RSPH10B: variants seen among roughly 807,000 people sequenced by gnomAD.
The protein encoded by RSPH10B is radial spoke head 10 homolog B (Chlamydomonas).
In RSPH10B, 7 loss-of-function variants were observed where a neutral mutation model predicts 52.5. The ratio of observed to expected loss-of-function variants is 0.13; its 90% confidence interval spans 0.08 to 0.25. The LOEUF is 0.25. Ranked by LOEUF, RSPH10B falls within the 10% of genes least tolerant of loss-of-function variation. The probability of loss-of-function intolerance (pLI) is 1.00; values close to 1 mark genes in which losing one functional copy is unlikely to be tolerated. For synonymous variants in RSPH10B, 28 were observed against 193.2 expected, an observed-to-expected ratio of 0.14 and a Z score of 7.09; for missense variants, 89 against 542.5, an observed-to-expected ratio of 0.16 and a Z score of 8.30.
rs552279771 is a variant in RSPH10B, at chr7:5,928,757, G to A, written c.2234-363C>T. On this transcript the variant is annotated intron_variant, in intron 17 of 18. Coordinates refer to ENST00000337579, the Ensembl canonical transcript of RSPH10B. ...AGCGATTCTCATGCCTCAGCCTCCC[G>A]AGTAGCTACAGGCGTGCGCCATCAC... 4.2e-3 allele frequency among the ~76,000 whole-genome samples: 622 copies of A among 149,542 alleles called. 1 individual carries two copies. The highest frequency in any genetic ancestry group is 0.012 in the African/African-American group (476 of 40,256).
At position 5,927,070 on chromosome 7, in the gene RSPH10B, ATGTG is replaced by A. The variant is rs748036363; in HGVS notation, c.2433-526_2433-523del. On this transcript the variant is annotated intron_variant, in intron 18 of 18. Coordinates refer to ENST00000337579, the Ensembl canonical transcript of RSPH10B. ...GTATTATGTGTGTGTGTGTGTGTAT[ATGTG>A]TGTGTGTGTGTGTGTGTGTGTGTAT... is the stretch of plus-strand genomic sequence containing the variant. Among the ~76,000 whole-genome samples, 361 of 110,718 alleles carry A rather than the reference ATGTG, an allele frequency of 3.3e-3. 3 individuals carry two copies. The highest frequency in any genetic ancestry group is 8.8e-3 in the African/African-American group (272 of 30,822). 72.6% of individuals were successfully genotyped at this position (110,718 alleles called of 152,430 possible). A position where few individuals can be genotyped will look rare whatever the true frequency, so the allele number is the denominator to read the frequency against.
chr7:5,954,199 C>G (rs1043775838), intron 7 of RSPH10B, among the ~76,000 whole-genome samples: 1 of 106,326 alleles, frequency 9.4e-6, no homozygotes, highest in African/African-American at 3.5e-5. Context: ...AGTGCAGTAG[C>G]ACAGTCTTAA....
Position 5,957,902 on chromosome 7 carries a change from C to T in RSPH10B, c.780+5G>A, listed in dbSNP as rs746707181. On this transcript the variant is annotated splice_donor_5th_base_variant and intron_variant, in intron 6 of 18. Coordinates refer to ENST00000337579, the Ensembl canonical transcript of RSPH10B. ...GGTATAAGCTGCTACCCCGCCCGGG[C>T]GTACCTGGATGCCCCTCTCCCACCG... 1.8e-5 allele frequency: 24 copies of T among 1,326,204 alleles called. No homozygotes were observed. In the South Asian group the frequency reaches 1.8e-4, roughly 10 times the overall value. The allele number at this position is 1,326,204 out of a possible 1,614,324, so 82.2% of individuals were successfully genotyped here. A position where few individuals can be genotyped will look rare whatever the true frequency, so the allele number is the denominator to read the frequency against.
chr7:5,927,048 T>G (rs868759654), intron 18 of RSPH10B, among the ~76,000 whole-genome samples: 230 of 70,612 alleles, frequency 3.3e-3, no homozygotes, highest in African/African-American at 7.9e-3. Flanking sequence ...TGTGTGTGTA[T>G]TATGTGTGTG....
rs1397990151 is a variant in RSPH10B, at chr7:5,940,077, G to T, written c.1759-1248C>A. 1.4e-4 allele frequency among the ~76,000 whole-genome samples: 18 copies of T among 128,376 alleles called. 3 individuals are homozygous for T. The highest frequency in any genetic ancestry group is 2.9e-4 in the Non-Finnish European group (16 of 55,672). The allele number at this position is 128,376 out of a possible 152,430, so 84.2% of individuals were successfully genotyped here. A position where few individuals can be genotyped will look rare whatever the true frequency, so the allele number is the denominator to read the frequency against. On this transcript the variant is annotated intron_variant, in intron 13 of 18. Transcript: ENST00000337579. ...CTGCGCATGGTGGCGTGTGCCTGTA[G>T]TCCCAGCTACTCGGGAGGCTGAGGC...
chr7:5,927,001 CACCT>C (rs1160387492), intron 18 of RSPH10B, among the ~76,000 whole-genome samples: 1 of 150,496 alleles, frequency 6.6e-6, no homozygotes, highest in African/African-American at 2.4e-5. Flanking sequence ...GTGATCCACC[CACCT>C]CGGCCTCCCA....
chr7:5,942,942 A>G (rs1162711043), intron 13 of RSPH10B, among the ~76,000 whole-genome samples: 3 of 146,564 alleles, frequency 2.0e-5, no homozygotes, highest in African/African-American at 7.5e-5. Context: ...TTTTAAGACA[A>G]TGGCCCATGG....
chr7:5,942,387 C>T (rs1249334241), intron 13 of RSPH10B, among the ~76,000 whole-genome samples: 2 of 131,516 alleles, frequency 1.5e-5, no homozygotes, highest in African/African-American at 5.6e-5. Flanking sequence ...CTACCACGCC[C>T]GGCTATGATT....
intron 7 of RSPH10B, among the ~76,000 whole-genome samples, chr7:5,954,263 C>G (rs1254784744): frequency 1.4e-5 from 1 of 72,362 alleles, no homozygotes; most frequent in Non-Finnish European, 2.6e-5. Context: ...CTCAGCCTCC[C>G]GAGTGGCTGG....
At chr7:5,933,617 G>A (rs1388185492) in intron 16 of RSPH10B, among the ~76,000 whole-genome samples, 4 of 132,828 alleles carry the variant, frequency 3.0e-5, no homozygotes, top group South Asian at 2.3e-4. Context: ...AAAATTAGCC[G>A]GGCGTGGGGG....
intron 13 of RSPH10B, among the ~76,000 whole-genome samples, chr7:5,941,778 T>C (rs1442668599): frequency 1.4e-5 from 2 of 140,696 alleles, no homozygotes; most frequent in African/African-American, 2.6e-5. Context: ...AAACAACCAA[T>C]AGTTAGTATG....
At chr7:5,944,219 G>A (rs2428897) in intron 11 of RSPH10B, among the ~76,000 whole-genome samples, 15 of 151,172 alleles carry the variant, frequency 9.9e-5, no homozygotes, top group South Asian at 2.1e-4. Context: ...CAACATGGTG[G>A]AACCCCATCT....
intron 13 of RSPH10B, among the ~76,000 whole-genome samples, chr7:5,941,487 G>A (rs1465521348): frequency 6.7e-6 from 1 of 148,544 alleles, no homozygotes; most frequent in Non-Finnish European, 1.5e-5. Context: ...GCTCACGCCT[G>A]TAATCCCAGC....
exon 5 of RSPH10B, chr7:5,959,003 C>T (rs1562578316): frequency 7.5e-7 from 1 of 1,328,098 alleles, no homozygotes; most frequent in Non-Finnish European, 1.1e-6. Flanking sequence ...CATCTTATTC[C>T]CCAGCCCTTT....
chr7:5,943,395 A>G, exon 13 of RSPH10B: 1 of 1,603,884 alleles, frequency 6.2e-7, no homozygotes, highest in African/African-American at 1.4e-5. Flanking sequence ...GGTCTGCAGT[A>G]AGCGAGATAA....
At chr7:5,970,427 A>C (rs1192826233), upstream of RSPH10B, 1 of 122,594 alleles carries the variant, frequency 8.2e-6, no homozygotes, top group African/African-American at 2.9e-5. Context: ...AGGAGAGGCC[A>C]TCTCTCTCCT....
intron 18 of RSPH10B, among the ~76,000 whole-genome samples, chr7:5,927,021 A>ACG (rs1427644304): frequency 9.0e-4 from 62 of 68,942 alleles, no homozygotes; most frequent in African/African-American, 3.7e-3. Flanking sequence ...TCCCAAAGTT[A>ACG]CGTGTGTGTG....
chr7:5,967,158 C>CA lies in RSPH10B; in HGVS notation c.-43_-42insT. ...AATGGTTACTTGAATCAAATGATTTCTTTGGTTCAGAGCTGCTTGTTTCAA... is the reference window on the plus strand; with the variant it reads ...AATGGTTACTTGAATCAAATGATTTCATTTGGTTCAGAGCTGCTTGTTTCAA... On this transcript the variant is annotated 5_prime_UTR_variant, in exon 1 of 19. In the 5' UTR this introduces an upstream ATG that the reference lacks. Transcript: ENST00000337579. 2 of 493,290 alleles carry CA rather than the reference C, an allele frequency of 4.1e-6. No individual in the cohort carries two copies. The highest frequency in any genetic ancestry group is 6.9e-6 in the Non-Finnish European group (2 of 291,358). The allele number at this position is 493,290 out of a possible 1,614,324, so 30.6% of individuals were successfully genotyped here.
At chr7:5,927,634 T>C (rs1484932369) in intron 18 of RSPH10B, among the ~76,000 whole-genome samples, 6 of 144,032 alleles carry the variant, frequency 4.2e-5, no homozygotes, top group African/African-American at 1.4e-4. Context: ...TTTGAACTCT[T>C]GGGTCAAGAA....
Sources: allele counts gnomAD v4.1 joint callset (sites outside exome capture counted in the v4.1 genomes callset), GRCh38; gene constraint gnomAD v4.1.1; transcripts MANE v1.5; gene names NCBI Gene and HGNC (gene_info 2026-07-23, HGNC 2026-07-21).